The following ROBO1 variants were observed in gnomAD, a reference collection of about 807,000 sequenced individuals.
The protein encoded by ROBO1 is roundabout homolog 1.
Under a neutral mutation model 195.9 loss-of-function variants are expected in ROBO1, and 149 were observed. The observed-to-expected ratio is 0.76, with a 90% CI of 0.67 to 0.87. The LOEUF (loss-of-function observed/expected upper bound fraction) is 0.87, where lower values mean the gene tolerates loss of function less well. Ranked by LOEUF, ROBO1 falls within the 40% of genes least tolerant of loss-of-function variation. The pLI is 0.00. For synonymous variants in ROBO1, 816 were observed against 733.2 expected (o/e 1.11, Z -1.82); for missense variants, 1,933 against 2,068.3 (o/e 0.93, Z 1.27).
chr3:78,693,356 A>C (rs1575949410), intron 8 of ROBO1: 14 of 1,547,974 alleles, frequency 9.0e-6, no homozygotes, highest in African/African-American at 1.4e-5. Context: ...ACCAGACCCA[A>C]CTAAAACAAA....
At chr3:79,321,415 C>A (rs1442315617) in intron 2 of ROBO1, among the ~76,000 whole-genome samples, 1 of 152,104 alleles carries the variant, frequency 6.6e-6, no homozygotes, top group Non-Finnish European at 1.5e-5. Context: ...GCTCTGATTG[C>A]TTTTATTTGT....
intron 3 of ROBO1, among the ~76,000 whole-genome samples, chr3:78,967,810 T>A (rs868117443): frequency 5.9e-5 from 9 of 152,140 alleles, no homozygotes; most frequent in Admixed American, 3.9e-4. Context: ...AAAAGATGGA[T>A]AACTAGTCTT....
chr3:79,678,352 T>C (rs1946845817), intron 1 of ROBO1, among the ~76,000 whole-genome samples: 1 of 151,992 alleles, frequency 6.6e-6, no homozygotes, highest in African/African-American at 2.4e-5. Flanking sequence ...GTCATGCATA[T>C]TAGAAATATT....
At chr3:78,716,678 A>G (rs186689377) in intron 7 of ROBO1, among the ~76,000 whole-genome samples, 2 of 152,282 alleles carry the variant, frequency 1.3e-5, no homozygotes, top group Non-Finnish European at 2.9e-5. Flanking sequence ...TGTAATCCCA[A>G]CACCTAGACA....
chr3:78,828,170 C>A (rs1214050661), intron 4 of ROBO1, among the ~76,000 whole-genome samples: 1 of 152,146 alleles, frequency 6.6e-6, no homozygotes, highest in Admixed American at 6.6e-5. Flanking sequence ...TCTAAGAAAT[C>A]TGACTGAAAT....
chr3:79,449,940 G>A (rs1438369615), intron 2 of ROBO1, among the ~76,000 whole-genome samples: 1 of 151,992 alleles, frequency 6.6e-6, no homozygotes, highest in Non-Finnish European at 1.5e-5. Context: ...GGCAGAGACA[G>A]GTTAAGAAAC....
At position 79,083,235 on chromosome 3, in the gene ROBO1, G is replaced by A. The variant is rs562334873; in HGVS notation, c.172+42221C>T. On this transcript the variant is annotated intron_variant, in intron 3 of 30. Coordinates refer to ENST00000464233, the MANE Select transcript of ROBO1 (RefSeq NM_002941.4). ...AAGTATATTTGCGAAGAGTTACCAG[G>A]AAAGAGTTGATAATGGACATGAAGA... Among the ~76,000 whole-genome samples, 4 of 152,124 alleles carry A rather than the reference G, an allele frequency of 2.6e-5. No homozygotes were observed. The South Asian group carries it at 8.3e-4, about 32-fold the overall frequency.
chr3:78,922,887 C>T (rs952928718), intron 4 of ROBO1, among the ~76,000 whole-genome samples: 1 of 152,032 alleles, frequency 6.6e-6, no homozygotes, highest in Non-Finnish European at 1.5e-5. Flanking sequence ...TGTGAGCTAT[C>T]GCATCTGGAC....
chr3:79,673,526 A>G (rs1272308590), intron 1 of ROBO1, among the ~76,000 whole-genome samples: 1 of 151,996 alleles, frequency 6.6e-6, no homozygotes. Context: ...AGTACCTGCC[A>G]TAGGCACTAT....
intron 4 of ROBO1, among the ~76,000 whole-genome samples, chr3:78,815,977 G>A (rs372140169): frequency 2.6e-4 from 40 of 152,206 alleles, no homozygotes; most frequent in African/African-American, 9.4e-4. Flanking sequence ...TAAGATAACC[G>A]ATGAAGGTGG....
At chr3:78,759,820 A>G (rs942161468) in intron 4 of ROBO1, among the ~76,000 whole-genome samples, 2 of 150,360 alleles carry the variant, frequency 1.3e-5, no homozygotes, top group African/African-American at 4.9e-5. Context: ...CGAGGCATCT[A>G]AACAGCATGC....
At chr3:78,876,145 T>C (rs2035833545) in intron 4 of ROBO1, among the ~76,000 whole-genome samples, 1 of 152,144 alleles carries the variant, frequency 6.6e-6, no homozygotes, top group South Asian at 2.1e-4. Flanking sequence ...GGATGAATGA[T>C]GTTGTATTTT....
chr3:78,784,930 T>C (rs1014948237), intron 4 of ROBO1, among the ~76,000 whole-genome samples: 1 of 152,198 alleles, frequency 6.6e-6, no homozygotes, highest in South Asian at 2.1e-4. Flanking sequence ...TCCCATTCTA[T>C]AACACAAAAA....
chr3:79,354,198 C>A (rs2035453753), intron 2 of ROBO1, among the ~76,000 whole-genome samples: 1 of 152,128 alleles, frequency 6.6e-6, no homozygotes, highest in Admixed American at 6.5e-5. Flanking sequence ...TGCCAAGTAC[C>A]AAGAACTCTT....
chr3:79,179,094 G>A (rs1260386298), intron 2 of ROBO1, among the ~76,000 whole-genome samples: 1 of 152,062 alleles, frequency 6.6e-6, no homozygotes, highest in Non-Finnish European at 1.5e-5. Flanking sequence ...ACATCAGATG[G>A]GCTTTTCCCT....
At chr3:79,100,159 T>C (rs1423996550) in intron 3 of ROBO1, among the ~76,000 whole-genome samples, 2 of 151,800 alleles carry the variant, frequency 1.3e-5, no homozygotes, top group Admixed American at 1.3e-4. Context: ...AGAAATCAAA[T>C]AATGATACCA....
chr3:79,447,329 G>A (rs1452166181), intron 2 of ROBO1, among the ~76,000 whole-genome samples: 4 of 152,016 alleles, frequency 2.6e-5, no homozygotes, highest in African/African-American at 4.8e-5. Context: ...CTCTCCCACA[G>A]CACTTGTTTT....
intron 2 of ROBO1, among the ~76,000 whole-genome samples, chr3:79,516,257 C>G (rs1186568244): frequency 6.6e-6 from 1 of 152,058 alleles, no homozygotes; most frequent in Non-Finnish European, 1.5e-5. Flanking sequence ...TTCTACTTGT[C>G]AGAAAGCTCA....
chr3:79,403,849 T>A (rs1328784475), intron 2 of ROBO1, among the ~76,000 whole-genome samples: 1 of 151,988 alleles, frequency 6.6e-6, no homozygotes, highest in Admixed American at 6.6e-5. Context: ...ATATGGGAGA[T>A]GCTTGAAACC....
Sources: allele counts gnomAD v4.1 joint callset (sites outside exome capture counted in the v4.1 genomes callset), GRCh38; gene constraint gnomAD v4.1.1; transcripts MANE v1.5; gene names NCBI Gene and HGNC (gene_info 2026-07-23, HGNC 2026-07-21).